FAM184B: variants seen among roughly 807,000 people sequenced by gnomAD.
The protein encoded by FAM184B is family with sequence similarity 184 member B, also known as protein FAM184B.
FAM184B carries 111 observed loss-of-function variants against 135.9 expected under a neutral mutation model. The ratio of observed to expected loss-of-function variants is 0.82; its 90% CI spans 0.70 to 0.96. The LOEUF (loss-of-function observed/expected upper bound fraction) is 0.96. FAM184B is among the 40% of genes least tolerant of loss of function. The pLI, the probability that FAM184B is intolerant of heterozygous loss-of-function variation, is 0.00. For synonymous variants in FAM184B, 552 were observed against 524.8 expected (o/e 1.05, Z -0.71); for missense variants, 1,375 against 1,323.9 (o/e 1.04, Z -0.60).
At chr4:17,776,643 C>T (rs559760248) in intron 1 of FAM184B, among the ~76,000 whole-genome samples, 32 of 152,290 alleles carry the variant, frequency 2.1e-4, no homozygotes, top group South Asian at 1.0e-3. Context: ...CCACCTGACT[C>T]GGCCTCCCAA....
At chr4:17,654,193 C>CTTT (rs199536597) in intron 10 of FAM184B, among the ~76,000 whole-genome samples, 2,036 of 138,290 alleles carry the variant, frequency 0.015, 47 homozygotes, top group African/African-American at 0.051. Context: ...ATAGTTTCTG[C>CTTT]TTTTTTTTTT....
intron 6 of FAM184B, 76 bp downstream of exon 6, chr4:17,693,226 C>A: frequency 8.9e-7 from 1 of 1,126,262 alleles, no homozygotes; most frequent in South Asian, 1.5e-5. Flanking sequence ...TTCCAAAATT[C>A]TTGGCTTCTC....
Position 17,705,839 on chromosome 4 carries a change from A to G in FAM184B, c.1083T>C (p.Asn361=), listed in dbSNP as rs753712078. Reference sequence around the variant, plus strand: ...GATGAAGATTGCCGGCTTCCAAGTCATTCTCTTCCCGCAGGACTTTGTTCT... The same window carrying G: ...GATGAAGATTGCCGGCTTCCAAGTCGTTCTCTTCCCGCAGGACTTTGTTCT... The part of the protein sequence containing the change: ...VSENKVLREE[N]DLEAGNLHPQ... Residue 361 remains asparagine, a synonymous_variant, in exon 4 of 18, where the codon AAT becomes AAC. Coordinates refer to ENST00000265018, the MANE Select transcript of FAM184B (RefSeq NM_015688.2). 6.4e-7 allele frequency: 1 copy of G among 1,552,186 alleles called. No individual in the cohort carries two copies. Among genetic ancestry groups the G allele is most frequent in the South Asian group, 1.2e-5 (1 of 84,062 alleles).
chr4:17,742,157 TATATATATA>T (rs1450713944), intron 1 of FAM184B, among the ~76,000 whole-genome samples: 18,371 of 105,694 alleles, frequency 0.17, 1,415 homozygotes, highest in East Asian at 0.24. Context: ...TATATATATA[TATATATATA>T]TATTTTTTTT....
At chr4:17,758,846 C>T (rs992634359) in intron 1 of FAM184B, among the ~76,000 whole-genome samples, 2 of 151,638 alleles carry the variant, frequency 1.3e-5, no homozygotes, top group South Asian at 4.2e-4. Context: ...TCTCTCTGCT[C>T]AGATAGCTTA....
chr4:17,707,493 A>G lies in FAM184B; in HGVS notation c.1030+156T>C, dbSNP rs1323593094. ...CAGCTGTAGTTGTCAGCTCACCTGT[A>G]CCCTGCAGGGATTGGTCTCACCCAC... is the stretch of plus-strand genomic sequence containing the variant. On this transcript the variant is annotated intron_variant, in intron 3 of 17. Coordinates refer to ENST00000265018, the MANE Select transcript of FAM184B (RefSeq NM_015688.2). Among the ~76,000 whole-genome samples, 4 of 152,206 alleles carry G rather than the reference A, an allele frequency of 2.6e-5. No homozygotes were observed. In the East Asian group the frequency reaches 5.8e-4, roughly 22 times the overall value.
intron 5 of FAM184B, among the ~76,000 whole-genome samples, chr4:17,703,929 CAAA>C (rs11430688): frequency 7.1e-6 from 1 of 139,998 alleles, no homozygotes. Context: ...GACTCCGTTT[CAAA>C]AAAAAAAAAA....
At chr4:17,735,830 C>T (rs1234367776) in intron 1 of FAM184B, among the ~76,000 whole-genome samples, 2 of 152,172 alleles carry the variant, frequency 1.3e-5, no homozygotes, top group Non-Finnish European at 2.9e-5. Flanking sequence ...CTCTTTAGGA[C>T]ATACACCTAC....
At chr4:17,742,691 G>C (rs924177414) in intron 1 of FAM184B, among the ~76,000 whole-genome samples, 3 of 152,196 alleles carry the variant, frequency 2.0e-5, no homozygotes, top group Non-Finnish European at 4.4e-5. Flanking sequence ...CAGACAGTGC[G>C]GCTTCAGGGA....
Position 17,703,884 on chromosome 4 carries a change from T to C in FAM184B, c.1377+1116A>G, listed in dbSNP as rs569011801. The stretch of plus-strand genomic sequence containing the variant: ...AGGTGGAGGTTGCAGTGAGCCGAGA[T>C]TGCGTCACTGCACTCCAGCCTGGTG... On this transcript the variant is annotated intron_variant, in intron 5 of 17. Coordinates refer to ENST00000265018, the MANE Select transcript of FAM184B (RefSeq NM_015688.2). Among the ~76,000 whole-genome samples, 21 of 151,386 alleles carry C rather than the reference T, an allele frequency of 1.4e-4. No homozygotes were observed. In the East Asian group the frequency reaches 3.7e-3, roughly 27 times the overall value.
In FAM184B at chr4:17,705,728, C is replaced by T. The variant is rs142169378; in HGVS notation, c.1170+24G>A. On this transcript the variant is annotated intron_variant, in intron 4 of 17. Coordinates refer to ENST00000265018, the MANE Select transcript of FAM184B (RefSeq NM_015688.2). ...GCAAAGCTCTCTGTGCCTTCTCCAT[C>T]CCCAGGGCTGGGTCAGACACTACCT... The T allele has an allele frequency of 1.9e-5, 29 of 1,551,000 alleles. No homozygotes were observed. The African/African-American group carries it at 3.4e-4, about 18-fold the overall frequency.
At chr4:17,702,736 C>G (rs1286090547) in intron 5 of FAM184B, among the ~76,000 whole-genome samples, 1 of 152,126 alleles carries the variant, frequency 6.6e-6, no homozygotes, top group East Asian at 1.9e-4. Context: ...GACTCATGCC[C>G]CCTATTAAGG....
intron 1 of FAM184B, among the ~76,000 whole-genome samples, chr4:17,713,579 A>C (rs1717336729): frequency 6.6e-6 from 1 of 152,238 alleles, no homozygotes; most frequent in African/African-American, 2.4e-5. Flanking sequence ...TGCTATATAC[A>C]CATTCACAAT....
At chr4:17,720,616 G>A (rs541337634) in intron 1 of FAM184B, among the ~76,000 whole-genome samples, 94 of 152,158 alleles carry the variant, frequency 6.2e-4, no homozygotes, top group African/African-American at 2.0e-3. Flanking sequence ...GGCGAGGCGC[G>A]GTGGCTCATG....
intron 14 of FAM184B, among the ~76,000 whole-genome samples, chr4:17,637,177 C>T (rs140101775): frequency 1.3e-5 from 2 of 152,202 alleles, no homozygotes; most frequent in South Asian, 2.1e-4. Context: ...TACAGGCGCG[C>T]GCCACCGTGC....
chr4:17,739,572 G>A (rs867960428), intron 1 of FAM184B, among the ~76,000 whole-genome samples: 2 of 2,458 alleles, frequency 8.1e-4, no homozygotes, highest in African/African-American at 2.1e-3. Flanking sequence ...TTTTTTTTTT[G>A]AGATGGGGTT....
At chr4:17,698,819 C>T (rs1466929973) in intron 5 of FAM184B, among the ~76,000 whole-genome samples, 1 of 152,070 alleles carries the variant, frequency 6.6e-6, no homozygotes, top group East Asian at 1.9e-4. Flanking sequence ...AATTTAACTG[C>T]CTGTCAAAAC....
At chr4:17,685,313 G>A (rs1577259997) in intron 7 of FAM184B, among the ~76,000 whole-genome samples, 1 of 151,262 alleles carries the variant, frequency 6.6e-6, no homozygotes, top group Non-Finnish European at 1.5e-5. Context: ...CACTTTGGGA[G>A]GCCGAGGCAG....
chr4:17,659,999 C>A lies in FAM184B; in HGVS notation c.1783G>T (p.Glu595Ter). 6.4e-7 allele frequency: 1 copy of A among 1,551,512 alleles called. No individual in the cohort carries two copies. The highest frequency in any genetic ancestry group is 8.7e-7 in the Non-Finnish European group (1 of 1,146,992). ...KEKTSKIQRL[E>*]EDWQSQKAKL... ...GCCTTCTGGCTTTGCCAGTCCTCCT[C>A]TAGACGCTGGATTTTGGATGTTTTC... The change falls in exon 9 of 18, where the codon GAG becomes TAG. Residue 595 changes from glutamate (E) to a stop codon, truncating the protein, a stop_gained. Transcript: ENST00000265018. LOFTEE classifies it high-confidence loss of function.
Sources: allele counts gnomAD v4.1 joint callset (sites outside exome capture counted in the v4.1 genomes callset), GRCh38; gene constraint gnomAD v4.1.1; transcripts MANE v1.5; gene names NCBI Gene and HGNC (gene_info 2026-07-23, HGNC 2026-07-21).